PPM1B: variants seen among roughly 807,000 people sequenced by gnomAD.
PPM1B encodes the protein protein phosphatase 1B.
Under a neutral mutation model 43.0 loss-of-function variants are expected in PPM1B, and 22 were observed. The ratio of observed to expected loss-of-function variants is 0.51; its 90% CI spans 0.37 to 0.73. PPM1B has a LOEUF of 0.73. PPM1B is among the 30% of genes least tolerant of loss of function. The pLI is 0.00. For synonymous variants in PPM1B, 217 were observed against 197.9 expected (o/e 1.10, Z -0.81); for missense variants, 632 against 584.2 (o/e 1.08, Z -0.84).
At chr2:44,210,789 C>G (rs1341959285) in intron 3 of PPM1B, among the ~76,000 whole-genome samples, 2 of 151,956 alleles carry the variant, frequency 1.3e-5, no homozygotes, top group Non-Finnish European at 2.9e-5. Flanking sequence ...TATATCAGTA[C>G]TACTTAATAA....
intron 1 of PPM1B, among the ~76,000 whole-genome samples, chr2:44,192,443 T>C (rs761043484): frequency 6.6e-6 from 1 of 152,160 alleles, no homozygotes; most frequent in Non-Finnish European, 1.5e-5. Flanking sequence ...CTCAAACTCC[T>C]GACCTCAGGT....
At chr2:44,243,218 T>C (rs188649978) in intron 5 of PPM1B, among the ~76,000 whole-genome samples, 2 of 152,318 alleles carry the variant, frequency 1.3e-5, no homozygotes, top group East Asian at 3.9e-4. Flanking sequence ...CTGAAGAGTA[T>C]AAGAGAGCTC....
At chr2:44,214,330 A>G (rs957356138) in intron 3 of PPM1B, among the ~76,000 whole-genome samples, 4 of 151,744 alleles carry the variant, frequency 2.6e-5, no homozygotes, top group Non-Finnish European at 5.9e-5. Context: ...CGGCCTCCCA[A>G]AGTGCTGGGA....
rs1668910958 is a variant in PPM1B, at chr2:44,201,091, A to G, written c.-14-95A>G. ...GTAAATTAGGATAATACTAAAAAAA[A>G]TACTTGAGGTAGGAGTTACTAGACT... On this transcript the variant is annotated intron_variant, in intron 1 of 5. Transcript: ENST00000282412. The surrounding 1 kb of genome is among the most constrained non-coding windows in gnomAD (Gnocchi z 5.4). 3 of 1,284,170 alleles carry G rather than the reference A, an allele frequency of 2.3e-6. No homozygotes were observed. The highest frequency in any genetic ancestry group is 3.2e-6 in the Non-Finnish European group (3 of 950,352). The allele number at this position is 1,284,170 out of a possible 1,614,324, so 79.5% of individuals were successfully genotyped here.
At chr2:44,184,409 G>A (rs953338968) in intron 1 of PPM1B, among the ~76,000 whole-genome samples, 9 of 151,618 alleles carry the variant, frequency 5.9e-5, no homozygotes, top group South Asian at 2.1e-4. Context: ...ATTTTTTTTC[G>A]TCTCTTGACC....
chr2:44,233,218 CATTT>C (rs1403102768), downstream of PPM1B: 1 of 911,404 alleles, frequency 1.1e-6, no homozygotes, highest in Non-Finnish European at 1.3e-6. Context: ...TATTTTTAAT[CATTT>C]ATGTTATTTT....
At chr2:44,243,698 C>G (rs1053732003) in intron 5 of PPM1B, among the ~76,000 whole-genome samples, 1 of 151,928 alleles carries the variant, frequency 6.6e-6, no homozygotes, top group Non-Finnish European at 1.5e-5. Flanking sequence ...TCTATTTTAT[C>G]GTTTTGTGTT....
At chr2:44,228,164 C>T (rs1670306472) in intron 5 of PPM1B, among the ~76,000 whole-genome samples, 1 of 148,634 alleles carries the variant, frequency 6.7e-6, no homozygotes, top group South Asian at 2.1e-4. Flanking sequence ...CCTCGTGATC[C>T]ACCCGCCTCA....
At chr2:44,226,932 T>TTTTA (rs566508514) in intron 5 of PPM1B, among the ~76,000 whole-genome samples, 42,498 of 134,698 alleles carry the variant, frequency 0.32, 7,144 homozygotes, top group East Asian at 0.52. Context: ...ATGGGAAACT[T>TTTTA]TTTATTTATT....
chr2:44,194,951 T>C (rs1668589939), intron 1 of PPM1B, among the ~76,000 whole-genome samples: 1 of 142,536 alleles, frequency 7.0e-6, no homozygotes, highest in Non-Finnish European at 1.5e-5. Context: ...CAGGCTGGAG[T>C]GCGGTGGCGC....
At chr2:44,186,840 G>A (rs1386604195) in intron 1 of PPM1B, among the ~76,000 whole-genome samples, 1 of 151,962 alleles carries the variant, frequency 6.6e-6, no homozygotes, top group African/African-American at 2.4e-5. Context: ...TGACTTTCTA[G>A]CTCTACTCTT....
At chr2:44,228,243 A>G (rs1000598743) in intron 5 of PPM1B, among the ~76,000 whole-genome samples, 4 of 122,986 alleles carry the variant, frequency 3.3e-5, no homozygotes, top group African/African-American at 1.3e-4. Flanking sequence ...ACTGGTGTTC[A>G]TTGGTATGGT....
At chr2:44,239,626 A>G (rs1670703326), downstream of PPM1B, among the ~76,000 whole-genome samples, 1 of 152,174 alleles carries the variant, frequency 6.6e-6, no homozygotes, top group Non-Finnish European at 1.5e-5. Flanking sequence ...GTAAGTGTGA[A>G]AACCCAATCA....
chr2:44,242,937 TTTG>T lies in PPM1B; in HGVS notation n.1547-1279_1547-1277del, dbSNP rs560726880. ...TTCAATACTGTAATACTGTGTATGG[TTTG>T]TTGTTGTTGTTTTTAAGGAAAGATA... On this transcript the variant is annotated intron_variant and non_coding_transcript_variant, in intron 5 of 5. Transcript: ENST00000378540. 1.0e-3 allele frequency among the ~76,000 whole-genome samples: 155 copies of T among 152,326 alleles called. 1 individual carries two copies. The highest frequency in any genetic ancestry group is 2.9e-3 in the East Asian group (15 of 5,194).
intron 1 of PPM1B, among the ~76,000 whole-genome samples, chr2:44,183,288 T>A (rs1572690684): frequency 6.6e-6 from 1 of 152,234 alleles, no homozygotes; most frequent in East Asian, 1.9e-4. Flanking sequence ...TCTTAACTAC[T>A]GTGTTGTATT....
intron 3 of PPM1B, among the ~76,000 whole-genome samples, chr2:44,214,944 T>C (rs1157633664): frequency 6.6e-6 from 1 of 152,348 alleles, no homozygotes; most frequent in East Asian, 1.9e-4. Flanking sequence ...TTATATGAAC[T>C]CTTAACTTCT....
intron 5 of PPM1B, among the ~76,000 whole-genome samples, chr2:44,242,283 C>T (rs1340005399): frequency 6.6e-6 from 1 of 151,868 alleles, no homozygotes; most frequent in Non-Finnish European, 1.5e-5. Flanking sequence ...ATGATAGGTA[C>T]AATTTATGGA....
In PPM1B at chr2:44,201,316, A is replaced by C; in HGVS notation, c.117A>C (p.Ala39=). The C allele has an allele frequency of 6.2e-7, 1 of 1,614,184 alleles. No individual in the cohort carries two copies. Among genetic ancestry groups the C allele is most frequent in the Non-Finnish European group, 8.5e-7 (1 of 1,180,026 alleles). The change falls in exon 2 of 6, where the codon GCA becomes GCC. Residue 39 remains alanine (A), a synonymous_variant. Transcript: ENST00000282412. This position sits in a 1 kb window ranked among gnomAD's most constrained non-coding sequence, Gnocchi z 5.4. ...GATGGAGAGTGGAAATGGAAGATGC[A>C]CACACAGCTGTTGTAGGTATTCCTC... ...MQGWRVEMED[A]HTAVVGIPHG...
chr2:44,174,752 T>G (rs753686251), intron 1 of PPM1B, among the ~76,000 whole-genome samples: 5 of 152,234 alleles, frequency 3.3e-5, no homozygotes, highest in Non-Finnish European at 5.9e-5. Flanking sequence ...TTTTATTTTC[T>G]TGATTGTAGG....
Sources: allele counts gnomAD v4.1 joint callset (sites outside exome capture counted in the v4.1 genomes callset), GRCh38; gene constraint gnomAD v4.1.1; non-coding constraint Gnocchi (gnomAD v3.1); transcripts MANE v1.5; gene names NCBI Gene and HGNC (gene_info 2026-07-23, HGNC 2026-07-21).